The following FRMPD4 variants were observed in gnomAD, a reference collection of about 807,000 sequenced individuals.
FRMPD4 encodes the protein FERM and PDZ domain-containing protein 4.
A neutral mutation model predicts 94.1 loss-of-function variants in FRMPD4; 22 were observed. That is an observed-to-expected ratio of 0.23 (90% CI 0.17 to 0.33). The LOEUF is 0.33. FRMPD4 is among the 10% of genes least tolerant of loss of function. FRMPD4 has a pLI of 1.00. For synonymous variants in FRMPD4, 631 were observed against 548.6 expected (o/e 1.15, Z -2.10); for missense variants, 1,111 against 1,339.9 (o/e 0.83, Z 2.67).
intron 1 of FRMPD4, among the ~76,000 whole-genome samples, chrX:12,254,247 C>G (rs781227391): frequency 8.9e-5 from 10 of 111,784 alleles, no homozygotes; most frequent in Non-Finnish European, 1.1e-4. Context: ...GGAAGAGCAC[C>G]TGAGTGGATG....
At chrX:12,619,442 G>A (rs1053695567) in intron 4 of FRMPD4, among the ~76,000 whole-genome samples, 2 of 111,996 alleles carry the variant, frequency 1.8e-5, no homozygotes, top group African/African-American at 6.5e-5. Flanking sequence ...ATGGACAAAA[G>A]TGGCTTTGTG....
At chrX:12,146,256 C>T (rs2055765851) in intron 1 of FRMPD4, among the ~76,000 whole-genome samples, 1 of 109,768 alleles carries the variant, frequency 9.1e-6, no homozygotes. Flanking sequence ...CTCAGCTACT[C>T]GGGAGGCTGA....
chrX:12,076,420 G>T lies in FRMPD4; in HGVS notation c.95+198402G>T, dbSNP rs765818922. 1.1e-4 allele frequency among the ~76,000 whole-genome samples: 12 copies of T among 109,205 alleles called. No individual in the cohort carries two copies. In the South Asian group the frequency reaches 4.9e-3, roughly 44 times the overall value. The allele number at this position is 109,205 out of a possible 115,157, so 94.8% of individuals were successfully genotyped here. On this transcript the variant is annotated intron_variant, in intron 3 of 18. Transcript: ENST00000640291. Reference sequence around the variant, plus strand: ...GAGCATATCCTGACCTGTTGCCAGGGTTTACAGGACAGCCTAGTGTCTTGA... The same window carrying T: ...GAGCATATCCTGACCTGTTGCCAGGTTTTACAGGACAGCCTAGTGTCTTGA...
chrX:12,475,868 T>G (rs374645566), intron 1 of FRMPD4, among the ~76,000 whole-genome samples: 3 of 111,156 alleles, frequency 2.7e-5, no homozygotes, highest in African/African-American at 9.8e-5. Flanking sequence ...GAATCAATAT[T>G]GTGAAAATGG....
chrX:11,831,598 A>G (rs1350204690), intron 1 of FRMPD4, among the ~76,000 whole-genome samples: 1 of 111,631 alleles, frequency 9.0e-6, no homozygotes, highest in African/African-American at 3.3e-5. Context: ...AGATATAGCC[A>G]TGGGACTGGA....
At chrX:11,876,000 G>A (rs902804750) in intron 2 of FRMPD4, among the ~76,000 whole-genome samples, 2 of 104,381 alleles carry the variant, frequency 1.9e-5, no homozygotes, top group South Asian at 4.6e-4. Flanking sequence ...CTCAGCCTCC[G>A]GAGTAGCTGG....
At chrX:11,975,787 A>G (rs934316341) in intron 3 of FRMPD4, among the ~76,000 whole-genome samples, 1 of 111,827 alleles carries the variant, frequency 8.9e-6, no homozygotes, top group African/African-American at 3.3e-5. Flanking sequence ...GTTGGAGGGC[A>G]TAGAGCCTCA....
intron 1 of FRMPD4, among the ~76,000 whole-genome samples, chrX:12,309,232 G>A (rs1053607583): frequency 9.0e-6 from 1 of 111,648 alleles, no homozygotes; most frequent in African/African-American, 3.3e-5. Context: ...TGCTCCAGAG[G>A]CCCTTGCATG....
chrX:12,088,219 A>G (rs1364340568), intron 3 of FRMPD4, among the ~76,000 whole-genome samples: 1 of 112,262 alleles, frequency 8.9e-6, no homozygotes, highest in Non-Finnish European at 1.9e-5. Flanking sequence ...TCAGGTCACC[A>G]GGAGATTCTG....
At chrX:12,092,768 G>A (rs1053025576) in intron 3 of FRMPD4, among the ~76,000 whole-genome samples, 1 of 111,648 alleles carries the variant, frequency 9.0e-6, no homozygotes, top group Non-Finnish European at 1.9e-5. Context: ...TTGGGACACA[G>A]TAGTGATCAG....
intron 3 of FRMPD4, among the ~76,000 whole-genome samples, chrX:12,060,452 T>C (rs1480428057): frequency 9.1e-6 from 1 of 109,614 alleles, no homozygotes; most frequent in South Asian, 4.0e-4. Flanking sequence ...GCCCGTTTTT[T>C]AATGGACAAA....
intron 1 of FRMPD4, among the ~76,000 whole-genome samples, chrX:12,463,115 C>A (rs748481475): frequency 8.9e-6 from 1 of 112,020 alleles, no homozygotes; most frequent in African/African-American, 3.2e-5. Flanking sequence ...CCCAAAGTAC[C>A]CTTTATGAAG....
At chrX:11,926,404 A>G (rs1480346446) in intron 3 of FRMPD4, among the ~76,000 whole-genome samples, 1 of 111,069 alleles carries the variant, frequency 9.0e-6, no homozygotes, top group African/African-American at 3.3e-5. Context: ...AATTCATTAT[A>G]TGAGGCCAGC....
intron 1 of FRMPD4, among the ~76,000 whole-genome samples, chrX:11,835,626 C>A (rs754589440): frequency 1.3e-3 from 144 of 111,880 alleles, no homozygotes; most frequent in Non-Finnish European, 2.2e-3. Flanking sequence ...CTCCTTCCTG[C>A]CTTCCCTCTT....
At chrX:12,183,793 G>T (rs886718258) in intron 1 of FRMPD4, among the ~76,000 whole-genome samples, 2 of 110,559 alleles carry the variant, frequency 1.8e-5, no homozygotes, top group South Asian at 3.8e-4. Context: ...CACCAGTCTC[G>T]TGTTCTTTAG....
At chrX:12,512,878 A>G (rs2058058431) in intron 2 of FRMPD4, among the ~76,000 whole-genome samples, 1 of 112,244 alleles carries the variant, frequency 8.9e-6, no homozygotes, top group African/African-American at 3.2e-5. Context: ...CCTTGCCAGC[A>G]TCTGTTGTTT....
intron 1 of FRMPD4, among the ~76,000 whole-genome samples, chrX:12,166,143 A>G (rs1342055024): frequency 8.9e-6 from 1 of 111,735 alleles, no homozygotes; most frequent in Non-Finnish European, 1.9e-5. Context: ...TTCAAAGGGA[A>G]TGCTTCCAGT....
At chrX:12,380,784 C>A (rs2056307780) in intron 1 of FRMPD4, among the ~76,000 whole-genome samples, 1 of 112,201 alleles carries the variant, frequency 8.9e-6, no homozygotes, top group Non-Finnish European at 1.9e-5. Context: ...ATTTACAGAG[C>A]AGCCTTTTGT....
At chrX:12,472,774 A>G (rs374727243) in intron 1 of FRMPD4, among the ~76,000 whole-genome samples, 3 of 111,863 alleles carry the variant, frequency 2.7e-5, no homozygotes, top group East Asian at 5.5e-4. Context: ...AAAAGAATAA[A>G]AAGAAATGAA....
Sources: allele counts gnomAD v4.1 joint callset (sites outside exome capture counted in the v4.1 genomes callset), GRCh38; gene constraint gnomAD v4.1.1; transcripts MANE v1.5; gene names NCBI Gene and HGNC (gene_info 2026-07-23, HGNC 2026-07-21).